ZFP3: variants seen among roughly 807,000 people sequenced by gnomAD.
The protein encoded by ZFP3 is zinc finger protein 3 homolog.
Under a neutral mutation model 36.7 loss-of-function variants are expected in ZFP3, and 18 were observed. The observed-to-expected ratio is 0.49, with a 90% CI of 0.34 to 0.73. ZFP3 has a LOEUF of 0.73. ZFP3 is among the 30% of genes least tolerant of loss of function. The pLI is 0.01. For synonymous variants in ZFP3, 218 were observed against 199.0 expected (o/e 1.10, Z -0.81); for missense variants, 495 against 599.0 (o/e 0.83, Z 1.81).
At chr17:5,090,241 C>G (rs1296294680) in intron 1 of ZFP3, among the ~76,000 whole-genome samples, 1 of 152,170 alleles carries the variant, frequency 6.6e-6, no homozygotes, top group Non-Finnish European at 1.5e-5. Context: ...ATAACTTTCT[C>G]TAGCATATAT....
intron 1 of ZFP3, among the ~76,000 whole-genome samples, chr17:5,084,507 C>T (rs1434597568): frequency 1.4e-5 from 2 of 146,314 alleles, no homozygotes; most frequent in Non-Finnish European, 1.5e-5. Context: ...GATCTCCTGA[C>T]CTCGTGATCC....
In ZFP3 at chr17:5,093,671, C is replaced by T. The variant is rs2072163585; in HGVS notation, c.*658C>T. ...AAGCTGTTATTAGCTTCAAAGTCGT[C>T]CAGCCCTGCTATGAAGTTACTTTAG... On this transcript the variant is annotated 3_prime_UTR_variant, in exon 2 of 2. Transcript: ENST00000318833. 1 of 167,122 alleles carries T rather than the reference C, an allele frequency of 6.0e-6. No homozygotes were observed. Among genetic ancestry groups the T allele is most frequent in the Non-Finnish European group, 1.5e-5 (1 of 68,136 alleles). The allele number at this position is 167,122 out of a possible 1,614,324, so 10.4% of individuals were successfully genotyped here. A position where few individuals can be genotyped will look rare whatever the true frequency, so the allele number is the denominator to read the frequency against.
At position 5,091,606 on chromosome 17, in the gene ZFP3, A is replaced by C; in HGVS notation, c.102A>C (p.Gln34His). The part of the protein sequence containing the change: ...LLEKFPKVVY[Q>H]GHEFGAGCEE... ...AAAAATTTCCAAAAGTGGTTTACCA[A>C]GGTCATGAGTTTGGAGCAGGATGTG... is the stretch of plus-strand genomic sequence containing the variant. The change falls in exon 2 of 2, where the codon CAA becomes CAC. Residue 34 changes from glutamine (Q) to histidine (H), a missense_variant. Gln to His is a conservative substitution (Grantham distance 24, BLOSUM62 0). This residue lies in a region of ZFP3 where 229 missense variants were observed against 233.8 expected (regional missense o/e 0.98). Transcript: ENST00000318833. 2 of 1,614,244 alleles carry C rather than the reference A, an allele frequency of 1.2e-6. No individual in the cohort carries two copies. The highest frequency in any genetic ancestry group is 1.7e-6 in the Non-Finnish European group (2 of 1,180,052).
intron 1 of ZFP3, among the ~76,000 whole-genome samples, chr17:5,083,370 C>T (rs1704019542): frequency 6.6e-6 from 1 of 151,964 alleles, no homozygotes; most frequent in African/African-American, 2.4e-5. Context: ...CCAGCCTAAC[C>T]AACACGGAGA....
chr17:5,092,718 CCT>C lies in ZFP3; in HGVS notation c.1218_1219del (p.His407ProfsTer17). On this transcript the variant is annotated frameshift_variant, in exon 2 of 2. Coordinates refer to ENST00000318833, the MANE Select transcript of ZFP3 (RefSeq NM_153018.3). LOFTEE classifies it high-confidence loss of function. This position sits in a 1 kb window ranked among gnomAD's most constrained non-coding sequence, Gnocchi z 5.0. ...GAGTGTGGAAAGGCTTTCAGGCGGA[CCT>C]CTCACCTTATTGTCCACCAGAGAAT... is the stretch of plus-strand genomic sequence containing the variant. 1 of 1,613,366 alleles carries C rather than the reference CCT, an allele frequency of 6.2e-7. No individual in the cohort carries two copies. The highest frequency in any genetic ancestry group is 8.5e-7 in the Non-Finnish European group (1 of 1,179,790).
At chr17:5,086,784 G>C (rs150074419) in intron 1 of ZFP3, among the ~76,000 whole-genome samples, 5 of 145,296 alleles carry the variant, frequency 3.4e-5, no homozygotes, top group South Asian at 2.1e-4. Flanking sequence ...CTGGAGTGCA[G>C]AGGTGTGATC....
rs374794778 is a variant in ZFP3, at chr17:5,091,333, A to G, written c.-8-164A>G. On this transcript the variant is annotated intron_variant, in intron 1 of 1. Transcript: ENST00000318833. ...CGCATTTCAGCTCACTGCAGCCTTGACCTCCCCAGGCTCAAGCAATCCTCC... is the reference window on the plus strand; with the variant it reads ...CGCATTTCAGCTCACTGCAGCCTTGGCCTCCCCAGGCTCAAGCAATCCTCC... 1.5e-4 allele frequency among the ~76,000 whole-genome samples: 23 copies of G among 151,882 alleles called. No individual in the cohort carries two copies. The East Asian group carries it at 2.9e-3, about 19-fold the overall frequency.
chr17:5,090,365 A>G (rs900159311), intron 1 of ZFP3, among the ~76,000 whole-genome samples: 2 of 152,242 alleles, frequency 1.3e-5, no homozygotes, highest in Non-Finnish European at 1.5e-5. Flanking sequence ...TATTTAGACT[A>G]TGGCATAGGT....
At position 5,091,931 on chromosome 17, in the gene ZFP3, T is replaced by C. The variant is rs903664129; in HGVS notation, c.427T>C (p.Cys143Arg). Reference protein sequence around the residue: ...RSSVGEKPHTCKECGKAFNQN... With the variant: ...RSSVGEKPHTRKECGKAFNQN... ...TTCTGTGGGAGAAAAGCCTCATACA[T>C]GTAAAGAATGTGGGAAAGCCTTTAA... The change falls in exon 2 of 2, where the codon TGT becomes CGT. Residue 143 changes from cysteine to arginine, a missense_variant. This residue lies in a region of ZFP3 where 229 missense variants were observed against 233.8 expected (regional missense o/e 0.98). Coordinates refer to ENST00000318833, the MANE Select transcript of ZFP3 (RefSeq NM_153018.3). 3 of 1,614,194 alleles carry C rather than the reference T, an allele frequency of 1.9e-6. No individual in the cohort carries two copies. Among genetic ancestry groups the C allele is most frequent in the Non-Finnish European group, 2.5e-6 (3 of 1,180,022 alleles).
chr17:5,092,458 CG>C lies in ZFP3; in HGVS notation c.957del (p.Gln320ArgfsTer227). On this transcript the variant is annotated frameshift_variant, in exon 2 of 2. Coordinates refer to ENST00000318833, the MANE Select transcript of ZFP3 (RefSeq NM_153018.3). LOFTEE classifies it high-confidence loss of function. This position sits in a 1 kb window ranked among gnomAD's most constrained non-coding sequence, Gnocchi z 5.0. Reference protein sequence around the residue: ...YLCNECGKGFGQSSELIRHQR... With the variant: ...YLCNECGKGFXQSSELIRHQR... ...TGTGTAATGAATGTGGGAAGGGCTT[CG>C]GGCAGAGTTCTGAGCTTATCCGGCA... 6.2e-7 allele frequency: 1 copy of C among 1,614,066 alleles called. No individual in the cohort carries two copies. The highest frequency in any genetic ancestry group is 1.3e-5 in the African/African-American group (1 of 75,014).
At chr17:5,081,420 C>T (rs946264724) in intron 1 of ZFP3, among the ~76,000 whole-genome samples, 2 of 152,136 alleles carry the variant, frequency 1.3e-5, no homozygotes, top group African/African-American at 2.4e-5. Flanking sequence ...AGGGGGTACA[C>T]AGACACTTTC....
chr17:5,096,056 C>A lies in ZFP3; in HGVS notation c.*3043C>A, dbSNP rs942743924. On this transcript the variant is annotated 3_prime_UTR_variant, in exon 2 of 2. Transcript: ENST00000318833. ...ATTCTCTGTCCTCTTCATGTCTTAC[C>A]CAGATATCTCAGGAAGATTTCTCTT... 7.2e-5 allele frequency: 12 copies of A among 167,044 alleles called. No individual in the cohort carries two copies. The highest frequency in any genetic ancestry group is 2.4e-4 in the African/African-American group (10 of 41,420). The allele number at this position is 167,044 out of a possible 1,614,324, so 10.3% of individuals were successfully genotyped here.
chr17:5,079,051 A>G (rs562374867), intron 1 of ZFP3, among the ~76,000 whole-genome samples: 50 of 152,230 alleles, frequency 3.3e-4, no homozygotes, highest in Non-Finnish European at 6.9e-4. Flanking sequence ...ATAGAGCCCT[A>G]TTGTGGGTCA....
At chr17:5,080,515 C>T (rs1001759758) in intron 1 of ZFP3, among the ~76,000 whole-genome samples, 1 of 152,156 alleles carries the variant, frequency 6.6e-6, no homozygotes, top group African/African-American at 2.4e-5. Flanking sequence ...TGCAAGTTGA[C>T]ATCCAAAACA....
chr17:5,091,350 C>T, intron 1 of ZFP3, 147 bp from the exon 2 acceptor site: 1 of 850,376 alleles, frequency 1.2e-6, no homozygotes, highest in East Asian at 2.7e-5. Context: ...CAGGCTCAAG[C>T]AATCCTCCTG....
At position 5,082,118 on chromosome 17, in the gene ZFP3, C is replaced by T. The variant is rs559547515; in HGVS notation, c.-9+3543C>T. 8.2e-4 allele frequency among the ~76,000 whole-genome samples: 123 copies of T among 150,112 alleles called. 1 individual carries two copies. The highest frequency in any genetic ancestry group is 1.3e-3 in the Non-Finnish European group (86 of 67,580). ...ATCCCAGCACTTTGGGAGGCCGAGG[C>T]GGGTGGATCATGAGGTCAGGAGATC... is the stretch of plus-strand genomic sequence containing the variant. On this transcript the variant is annotated intron_variant, in intron 1 of 1. Coordinates refer to ENST00000318833, the MANE Select transcript of ZFP3 (RefSeq NM_153018.3).
intron 1 of ZFP3, among the ~76,000 whole-genome samples, chr17:5,088,363 C>A (rs2072131549): frequency 6.6e-6 from 1 of 152,164 alleles, no homozygotes; most frequent in South Asian, 2.1e-4. Flanking sequence ...ATTTCCCCAG[C>A]CTGTCTCTTC....
At chr17:5,085,549 T>C (rs2072116678) in intron 1 of ZFP3, among the ~76,000 whole-genome samples, 1 of 152,028 alleles carries the variant, frequency 6.6e-6, no homozygotes, top group Non-Finnish European at 1.5e-5. Flanking sequence ...TTTGTATTTT[T>C]AGTAGAGATG....
At chr17:5,091,395 T>G (rs1009833928) in intron 1 of ZFP3, 102 bp from the exon 2 acceptor site, 1 of 1,276,792 alleles carries the variant, frequency 7.8e-7, no homozygotes. Flanking sequence ...CAAGACTGTT[T>G]CTGAGTGCTA....
Sources: allele counts gnomAD v4.1 joint callset (sites outside exome capture counted in the v4.1 genomes callset), GRCh38; gene constraint gnomAD v4.1.1; regional missense constraint gnomAD v4.1.1; non-coding constraint Gnocchi (gnomAD v3.1); transcripts MANE v1.5; gene names NCBI Gene and HGNC (gene_info 2026-07-23, HGNC 2026-07-21).